Variants in VAPA observed in about 807,000 individuals in gnomAD.
VAPA encodes vesicle-associated membrane protein-associated protein A.
Under a neutral mutation model 25.6 loss-of-function variants are expected in VAPA, and 6 were observed. The ratio of observed to expected loss-of-function variants is 0.23; its 90% CI spans 0.13 to 0.46. The LOEUF is 0.46. Ranked by LOEUF, VAPA falls within the 20% of genes least tolerant of loss-of-function variation. VAPA has a pLI of 0.99. For missense variants in VAPA, 244 were observed against 302.1 expected (o/e 0.81, Z 1.43); for synonymous variants, 112 against 106.2 (o/e 1.05, Z -0.34).
intron 5 of VAPA, among the ~76,000 whole-genome samples, chr18:9,953,547 T>C (rs940573242): frequency 2.0e-5 from 3 of 152,202 alleles, no homozygotes; most frequent in Non-Finnish European, 4.4e-5. Flanking sequence ...CCTCTGCTGT[T>C]CCGGTTCCTT....
intron 2 of VAPA, among the ~76,000 whole-genome samples, chr18:9,933,377 G>T (rs2069276167): frequency 6.6e-6 from 1 of 152,192 alleles, no homozygotes; most frequent in South Asian, 2.1e-4. Flanking sequence ...GAGTCTTGCG[G>T]TAAGGAGGCC....
chr18:9,959,920 GATAA>G lies in VAPA; in HGVS notation c.*5713_*5716del, dbSNP rs1267590187. ...TATCCTTAATTGTATATAATATGTA[GATAA>G]ATATATGAGGGTATTAAGCTACTTT... On this transcript the variant is annotated 3_prime_UTR_variant, in exon 6 of 6. Transcript: ENST00000400000. 1 of 151,966 alleles carries G rather than the reference GATAA, an allele frequency of 6.6e-6. No individual in the cohort carries two copies. Among genetic ancestry groups the G allele is most frequent in the African/African-American group, 2.4e-5 (1 of 41,360 alleles). 9.4% of individuals were successfully genotyped at this position (151,966 alleles called of 1,614,324 possible).
rs139831960 is a variant in VAPA, at chr18:9,950,932, G to C, written c.591+364G>C. On this transcript the variant is annotated intron_variant, in intron 5 of 5. Transcript: ENST00000400000. ...CCTAGGGCTGTTGAGCACTGAAATGGGATTTGTTCAAATTGAGCTGTGCTG... is the reference window on the plus strand; with the variant it reads ...CCTAGGGCTGTTGAGCACTGAAATGCGATTTGTTCAAATTGAGCTGTGCTG... 31 of 200,250 alleles carry C rather than the reference G, an allele frequency of 1.5e-4. 1 individual carries two copies. In the East Asian group the frequency reaches 4.4e-3, roughly 28 times the overall value. The allele number at this position is 200,250 out of a possible 1,614,324, so 12.4% of individuals were successfully genotyped here. A position where few individuals can be genotyped will look rare whatever the true frequency, so the allele number is the denominator to read the frequency against.
At chr18:9,915,192 A>C (rs1004381320) in intron 1 of VAPA, 1 of 152,214 alleles carries the variant, frequency 6.6e-6, no homozygotes, top group African/African-American at 2.4e-5. Context: ...CCTTTAGTTG[A>C]GCTCCTCTGC....
At chr18:9,914,540 C>A (rs2069094158) in intron 1 of VAPA, 1 of 283,610 alleles carries the variant, frequency 3.5e-6, no homozygotes, top group African/African-American at 2.3e-5. Flanking sequence ...TCCCCTCCCG[C>A]CCGCCCTCGC....
intron 1 of VAPA, among the ~76,000 whole-genome samples, chr18:9,927,829 G>A (rs1889949416): frequency 6.6e-6 from 1 of 152,096 alleles, no homozygotes; most frequent in South Asian, 2.1e-4. Flanking sequence ...GGGACTAGGA[G>A]TAGGATTTTG....
chr18:9,926,350 T>C (rs933614070), intron 1 of VAPA, among the ~76,000 whole-genome samples: 1 of 152,176 alleles, frequency 6.6e-6, no homozygotes, highest in Non-Finnish European at 1.5e-5. Flanking sequence ...CCTGCATTGC[T>C]GTGGCTACAT....
chr18:9,935,615 T>C (rs1249537222), intron 2 of VAPA, among the ~76,000 whole-genome samples: 2 of 152,244 alleles, frequency 1.3e-5, no homozygotes, highest in East Asian at 3.8e-4. Flanking sequence ...AGGTTTTAAG[T>C]TACTGAGTAT....
chr18:9,954,364 G>A lies in VAPA; in HGVS notation c.*153G>A, dbSNP rs1303892443. ...GGCTTTGCCTTTAATGATCTCTTAC[G>A]GTTAGAAAACACAATAAAAACAAAC... On this transcript the variant is annotated 3_prime_UTR_variant, in exon 6 of 6. Transcript: ENST00000400000. 18 of 655,532 alleles carry A rather than the reference G, an allele frequency of 2.7e-5. No individual in the cohort carries two copies. The highest frequency in any genetic ancestry group is 8.1e-5 in the East Asian group (3 of 37,024). The allele number at this position is 655,532 out of a possible 1,614,324, so 40.6% of individuals were successfully genotyped here.
At chr18:9,948,506 A>C (rs1055698945) in intron 4 of VAPA, 2 of 152,220 alleles carry the variant, frequency 1.3e-5, no homozygotes, top group African/African-American at 2.4e-5. Context: ...ATTTAAAAAT[A>C]ATCAGTTGTC....
intron 1 of VAPA, among the ~76,000 whole-genome samples, chr18:9,917,150 C>G (rs1325957723): frequency 6.6e-6 from 1 of 152,184 alleles, no homozygotes; most frequent in Non-Finnish European, 1.5e-5. Flanking sequence ...ACTTCAAATT[C>G]TGTTTAAACC....
chr18:9,916,270 C>T (rs1033981314), intron 1 of VAPA, among the ~76,000 whole-genome samples: 4 of 152,184 alleles, frequency 2.6e-5, no homozygotes, highest in Non-Finnish European at 5.9e-5. Flanking sequence ...TGGAGAATTA[C>T]AGCTATGATT....
At chr18:9,920,139 G>A (rs2069144337) in intron 1 of VAPA, among the ~76,000 whole-genome samples, 1 of 152,144 alleles carries the variant, frequency 6.6e-6, no homozygotes, top group East Asian at 1.9e-4. Context: ...TGGAGGAGGA[G>A]GACGTATGGT....
At chr18:9,946,226 ATG>A (rs575699326) in intron 4 of VAPA, among the ~76,000 whole-genome samples, 3 of 152,196 alleles carry the variant, frequency 2.0e-5, no homozygotes, top group African/African-American at 4.8e-5. Flanking sequence ...TTGTTAGGTG[ATG>A]TGTTGTATAA....
intron 1 of VAPA, 61 bp downstream of exon 1, chr18:9,914,396 G>C (rs1215533539): frequency 3.4e-6 from 5 of 1,463,342 alleles, no homozygotes; most frequent in South Asian, 2.6e-5. Flanking sequence ...GCTGTCGGCG[G>C]GGGGGCGCGG....
At chr18:9,931,308 A>G in intron 1 of VAPA, among the ~76,000 whole-genome samples, 1 of 152,326 alleles carries the variant, frequency 6.6e-6, no homozygotes, top group East Asian at 1.9e-4. Context: ...GGCATAATAA[A>G]CACTTAACAA....
rs58664560 is a variant in VAPA at position 9,952,564 on chromosome 18, CAA to C, written c.592-1474_592-1473del. Among the ~76,000 whole-genome samples the C allele has an allele frequency of 1.5e-3, 160 of 109,824 alleles. 1 individual carries two copies. The highest frequency in any genetic ancestry group is 3.2e-3 in the African/African-American group (97 of 30,296). 72.0% of individuals were successfully genotyped at this position (109,824 alleles called of 152,430 possible). On this transcript the variant is annotated intron_variant, in intron 5 of 5. Transcript: ENST00000400000. ...CTGGGTGACGAGCAAAACATCGTCT[CAA>C]AAAAAAAAAAAAAACAAAACCCTTG...
chr18:9,925,076 A>G (rs1599099495), intron 1 of VAPA: 1 of 152,278 alleles, frequency 6.6e-6, no homozygotes, highest in East Asian at 1.9e-4. Context: ...GTGTAAAAGA[A>G]GTAAAAGACA....
chr18:9,958,462 T>C lies in VAPA; in HGVS notation c.*4251T>C, dbSNP rs1208220657. The C allele has an allele frequency of 1.3e-5, 2 of 152,204 alleles. No homozygotes were observed. The highest frequency in any genetic ancestry group is 2.9e-5 in the Non-Finnish European group (2 of 68,026). 9.4% of individuals were successfully genotyped at this position (152,204 alleles called of 1,614,324 possible). On this transcript the variant is annotated 3_prime_UTR_variant, in exon 6 of 6. Coordinates refer to ENST00000400000, the MANE Select transcript of VAPA (RefSeq NM_194434.3). ...TATAGGAAGTTATTCAGATAACTTT[T>C]GTAGTAGTGATATTCAACTATAGCA...
Sources: gnomAD v4.1 joint callset for allele counts (sites outside exome capture counted in the v4.1 genomes callset) on GRCh38, gnomAD v4.1.1 for gene constraint, MANE v1.5 for transcripts, NCBI Gene and HGNC (gene_info 2026-07-23, HGNC 2026-07-21) for gene names.